Variants in VSTM4 observed in about 807,000 individuals in gnomAD.
The protein encoded by VSTM4 is V-set and transmembrane domain-containing protein 4.
A neutral mutation model predicts 36.4 loss-of-function variants in VSTM4; 20 were observed. That is an observed-to-expected ratio of 0.55 (90% CI 0.39 to 0.80). The LOEUF is 0.80. VSTM4 is among the 30% of genes least tolerant of loss of function. VSTM4 has a pLI of 0.00. For missense variants in VSTM4, 392 were observed against 404.5 expected, an observed-to-expected ratio of 0.97 and a Z score of 0.26; for synonymous variants, 182 against 173.9, an observed-to-expected ratio of 1.05 and a Z score of -0.37.
At chr10:49,052,705 AAAT>A (rs1162600500) in intron 5 of VSTM4, among the ~76,000 whole-genome samples, 1 of 152,190 alleles carries the variant, frequency 6.6e-6, no homozygotes, top group Admixed American at 6.5e-5. Flanking sequence ...GTGTAGAATC[AAAT>A]AATATTTCCA....
At chr10:49,079,124 G>A (rs1379499190) in intron 3 of VSTM4, among the ~76,000 whole-genome samples, 1 of 152,158 alleles carries the variant, frequency 6.6e-6, no homozygotes, top group Non-Finnish European at 1.5e-5. Flanking sequence ...GAGCCACTGT[G>A]CCTGGCCAGA....
intron 2 of VSTM4, among the ~76,000 whole-genome samples, chr10:49,088,599 G>C (rs1844416159): frequency 6.6e-6 from 1 of 152,252 alleles, no homozygotes; most frequent in South Asian, 2.1e-4. Context: ...GCGGAGCCTA[G>C]AACCTGCATA....
intron 5 of VSTM4, among the ~76,000 whole-genome samples, chr10:49,055,360 G>A (rs769670068): frequency 1.6e-4 from 24 of 152,234 alleles, no homozygotes; most frequent in Non-Finnish European, 2.8e-4. Context: ...GGATCCATCC[G>A]TTTCTTTCCA....
rs1844977907 is a variant in VSTM4, at chr10:49,115,413, T to C, written c.55+18A>G. ...GGCCCCCACCCTTCCCGCTCCCGCCTGGCCCCGCCGCGCTTACCCGGAGCC... is the reference window on the plus strand; with the variant it reads ...GGCCCCCACCCTTCCCGCTCCCGCCCGGCCCCGCCGCGCTTACCCGGAGCC... On this transcript the variant is annotated intron_variant, in intron 1 of 7. Transcript: ENST00000332853. 9.8e-7 allele frequency: 1 copy of C among 1,022,368 alleles called. No homozygotes were observed. The highest frequency in any genetic ancestry group is 3.7e-5 in the South Asian group (1 of 26,674). 63.3% of individuals were successfully genotyped at this position (1,022,368 alleles called of 1,614,324 possible). A position where few individuals can be genotyped will look rare whatever the true frequency, so the allele number is the denominator to read the frequency against.
intron 5 of VSTM4, among the ~76,000 whole-genome samples, chr10:49,055,388 C>T (rs1419769015): frequency 6.6e-6 from 1 of 152,206 alleles, no homozygotes; most frequent in Non-Finnish European, 1.5e-5. Context: ...CTATGGCCTC[C>T]TTCCAAGATT....
At chr10:49,035,140 G>A (rs565652110) in intron 7 of VSTM4, among the ~76,000 whole-genome samples, 5 of 152,204 alleles carry the variant, frequency 3.3e-5, no homozygotes, top group Admixed American at 3.3e-4. Flanking sequence ...GCCACCCATG[G>A]GCTGGCCTGC....
At chr10:49,090,715 G>T (rs1844457923) in intron 2 of VSTM4, among the ~76,000 whole-genome samples, 1 of 152,224 alleles carries the variant, frequency 6.6e-6, no homozygotes. Context: ...ATGTGGTAAA[G>T]AACTTTTTCC....
rs191275476 is a variant in VSTM4 at position 49,109,880 on chromosome 10, G to A, written c.56-1885C>T. 3.5e-3 allele frequency among the ~76,000 whole-genome samples: 526 copies of A among 152,314 alleles called. 10 individuals are homozygous for A. Among genetic ancestry groups the A allele is most frequent in the Non-Finnish European group, 2.6e-3 (178 of 68,018 alleles). On this transcript the variant is annotated intron_variant, in intron 1 of 7. Transcript: ENST00000332853. ...GGCCCCACAATTCCCCCTGCATCTC[G>A]CCCACCTGGCAGGCACCTGGCCCAT... is the stretch of plus-strand genomic sequence containing the variant.
intron 1 of VSTM4, among the ~76,000 whole-genome samples, chr10:49,108,904 C>A (rs147931715): frequency 2.0e-4 from 30 of 152,302 alleles, no homozygotes; most frequent in African/African-American, 7.0e-4. Context: ...CTGAAGTCTT[C>A]TCCCAGGAGC....
In VSTM4 at chr10:49,102,713, T is replaced by G. The variant is rs1018464679; in HGVS notation, c.457+4881A>C. 7.1e-6 allele frequency: 7 copies of G among 985,358 alleles called. No individual in the cohort carries two copies. The African/African-American group carries it at 1.2e-4, about 17-fold the overall frequency. 61.0% of individuals were successfully genotyped at this position (985,358 alleles called of 1,614,324 possible). ...GTGACTACATCCACCAAGTCACGCC[T>G]ACTTCAAAGTCATCCACAGCAACAG... On this transcript the variant is annotated intron_variant, in intron 2 of 7. Transcript: ENST00000332853.
intron 3 of VSTM4, 87 bp downstream of exon 3, chr10:49,085,868 A>G: frequency 3.7e-6 from 3 of 802,232 alleles, no homozygotes; most frequent in Non-Finnish European, 5.9e-6. Flanking sequence ...GTGCACATGT[A>G]CCCTAGAACT....
chr10:49,100,883 A>G (rs1347814542), intron 2 of VSTM4, among the ~76,000 whole-genome samples: 1 of 152,178 alleles, frequency 6.6e-6, no homozygotes, highest in Non-Finnish European at 1.5e-5. Context: ...TTTTCATTTA[A>G]ATATAGGGAT....
intron 2 of VSTM4, among the ~76,000 whole-genome samples, chr10:49,089,032 C>T (rs1243693585): frequency 6.6e-6 from 1 of 152,198 alleles, no homozygotes. Context: ...GAAATGTATG[C>T]CTTTTAAAAT....
intron 2 of VSTM4, chr10:49,102,669 G>A (rs910736136): frequency 1.6e-5 from 16 of 985,186 alleles, no homozygotes; most frequent in East Asian, 2.3e-4. Flanking sequence ...GGAAAGAGAG[G>A]TAAGGCATCC....
At chr10:49,083,345 G>C (rs1053001923) in intron 3 of VSTM4, among the ~76,000 whole-genome samples, 18 of 152,140 alleles carry the variant, frequency 1.2e-4, no homozygotes, top group African/African-American at 4.3e-4. Context: ...CAGCCAGGAT[G>C]AACTAAGCCC....
At chr10:49,046,030 T>C (rs899362388) in intron 7 of VSTM4, among the ~76,000 whole-genome samples, 7 of 152,184 alleles carry the variant, frequency 4.6e-5, no homozygotes, top group African/African-American at 1.4e-4. Context: ...GTTTTTCCTG[T>C]GCTCACACAC....
At chr10:49,058,753 C>T (rs950689772) in intron 5 of VSTM4, among the ~76,000 whole-genome samples, 3 of 152,208 alleles carry the variant, frequency 2.0e-5, no homozygotes, top group Non-Finnish European at 2.9e-5. Context: ...ATTCAGTGAC[C>T]GCAGCCTCAG....
chr10:49,033,862 G>T (rs1843383761), intron 7 of VSTM4, among the ~76,000 whole-genome samples: 1 of 152,080 alleles, frequency 6.6e-6, no homozygotes, highest in Admixed American at 6.6e-5. Context: ...CCATGGAAGG[G>T]TGAGCATTAT....
intron 3 of VSTM4, among the ~76,000 whole-genome samples, chr10:49,080,648 C>A (rs1040439709): frequency 6.6e-6 from 1 of 152,180 alleles, no homozygotes; most frequent in African/African-American, 2.4e-5. Flanking sequence ...AGGATCAGAG[C>A]TAGTCATGGA....
Sources: allele counts gnomAD v4.1 joint callset (sites outside exome capture counted in the v4.1 genomes callset), GRCh38; gene constraint gnomAD v4.1.1; transcripts MANE v1.5; gene names NCBI Gene and HGNC (gene_info 2026-07-23, HGNC 2026-07-21).